Variants in NCOA1 observed in about 807,000 individuals in gnomAD.
NCOA1 encodes nuclear receptor coactivator 1.
In NCOA1, 35 loss-of-function variants were observed where a neutral mutation model predicts 150.9. The ratio of observed to expected loss-of-function variants is 0.23; its 90% CI spans 0.18 to 0.31. NCOA1 has a LOEUF of 0.31. Among genes scored for constraint, NCOA1 ranks in the 10% least tolerant of loss-of-function variants. The pLI is 1.00. For synonymous variants in NCOA1, 590 were observed against 630.0 expected, an observed-to-expected ratio of 0.94 and a Z score of 0.95; for missense variants, 1,491 against 1,749.3, an observed-to-expected ratio of 0.85 and a Z score of 2.63.
At chr2:24,581,963 G>A (rs1667210971) in intron 2 of NCOA1, among the ~76,000 whole-genome samples, 1 of 152,096 alleles carries the variant, frequency 6.6e-6, no homozygotes, top group African/African-American at 2.4e-5. Context: ...TCTCAATACA[G>A]TTAAAGGCCA....
At chr2:24,539,307 A>G (rs1665293949) in intron 1 of NCOA1, among the ~76,000 whole-genome samples, 1 of 152,172 alleles carries the variant, frequency 6.6e-6, no homozygotes, top group African/African-American at 2.4e-5. Context: ...CTATAATAAA[A>G]AGAGTCAGGG....
At chr2:24,643,400 A>G (rs559069293) in intron 3 of NCOA1, among the ~76,000 whole-genome samples, 10 of 152,250 alleles carry the variant, frequency 6.6e-5, no homozygotes, top group Non-Finnish European at 1.0e-4. Flanking sequence ...ATTTCTTCAA[A>G]CAGTTGTTTT....
intron 3 of NCOA1, among the ~76,000 whole-genome samples, chr2:24,634,710 C>CA: frequency 5.6e-5 from 2 of 35,574 alleles, no homozygotes; most frequent in Non-Finnish European, 1.5e-4. Flanking sequence ...GGGGAGGAAC[C>CA]CCCCCCCCCC....
intron 7 of NCOA1, among the ~76,000 whole-genome samples, chr2:24,680,564 T>C (rs1222869237): frequency 6.6e-6 from 1 of 152,130 alleles, no homozygotes; most frequent in Non-Finnish European, 1.5e-5. Flanking sequence ...TACCAGGGGC[T>C]GCGTGAAGGG....
chr2:24,541,607 T>A (rs977121277), intron 1 of NCOA1, among the ~76,000 whole-genome samples: 6 of 152,230 alleles, frequency 3.9e-5, no homozygotes, highest in Admixed American at 3.3e-4. Context: ...AGTTGGTTTT[T>A]GATTTCCAAA....
chr2:24,694,001 G>T (rs1050362303), intron 10 of NCOA1, among the ~76,000 whole-genome samples: 7 of 152,150 alleles, frequency 4.6e-5, no homozygotes, highest in Non-Finnish European at 1.0e-4. Context: ...GGTCTTGGAA[G>T]GGGGGCAGCA....
intron 1 of NCOA1, among the ~76,000 whole-genome samples, chr2:24,499,597 G>A (rs948144155): frequency 6.6e-6 from 1 of 151,964 alleles, no homozygotes; most frequent in Non-Finnish European, 1.5e-5. Context: ...TTAAGATGAT[G>A]CAGTGGACTT....
chr2:24,639,907 T>TGG, intron 3 of NCOA1, among the ~76,000 whole-genome samples: 1 of 10,664 alleles, frequency 9.4e-5, no homozygotes, highest in African/African-American at 1.6e-4. Context: ...AAAAAAAGTA[T>TGG]GTGTGTGTGT....
chr2:24,679,944 C>T (rs77055921), intron 7 of NCOA1, among the ~76,000 whole-genome samples: 2,194 of 152,230 alleles, frequency 0.014, 52 homozygotes, highest in African/African-American at 0.051. Context: ...GTGCTTCAAT[C>T]TTGTTTTAAA....
In NCOA1 at chr2:24,620,771, G is replaced by A. The variant is rs185848254; in HGVS notation, c.-174-23195G>A. ...GATTTTATACAAATGTGTTAAGATG[G>A]GATTAATTTTTTAAAGAATGATTCA... is the stretch of plus-strand genomic sequence containing the variant. On this transcript the variant is annotated intron_variant, in intron 3 of 22. Coordinates refer to ENST00000348332, the MANE Select transcript of NCOA1 (RefSeq NM_003743.5). 2.6e-4 allele frequency among the ~76,000 whole-genome samples: 40 copies of A among 152,124 alleles called. 1 individual carries two copies. In the East Asian group the frequency reaches 7.5e-3, roughly 29 times the overall value.
At chr2:24,592,096 A>G (rs1667680599) in intron 3 of NCOA1, among the ~76,000 whole-genome samples, 2 of 152,196 alleles carry the variant, frequency 1.3e-5, no homozygotes, top group Admixed American at 6.6e-5. Flanking sequence ...CAAATGTGAA[A>G]GGAATGAATT....
chr2:24,639,925 T>TGC (rs1670117812), intron 3 of NCOA1, among the ~76,000 whole-genome samples: 1 of 9,652 alleles, frequency 1.0e-4, no homozygotes, highest in African/African-American at 3.3e-4. Flanking sequence ...TGTATATATA[T>TGC]ATATATATAT....
chr2:24,717,093 C>A (rs1674087550), intron 14 of NCOA1, among the ~76,000 whole-genome samples: 1 of 152,044 alleles, frequency 6.6e-6, no homozygotes, highest in Admixed American at 6.6e-5. Flanking sequence ...TAGAAAATTG[C>A]AAATTAAAAC....
At chr2:24,651,506 G>A (rs2148478247) in intron 4 of NCOA1, among the ~76,000 whole-genome samples, 1 of 152,044 alleles carries the variant, frequency 6.6e-6, no homozygotes, top group Non-Finnish European at 1.5e-5. Context: ...AAAAACAAAG[G>A]CAAATATACA....
intron 17 of NCOA1, among the ~76,000 whole-genome samples, chr2:24,733,598 G>T (rs1663130859): frequency 6.6e-6 from 1 of 152,090 alleles, no homozygotes; most frequent in South Asian, 2.1e-4. Context: ...ACAAAAGTTA[G>T]CTGGGCATGG....
intron 1 of NCOA1, among the ~76,000 whole-genome samples, chr2:24,515,457 A>G (rs749738429): frequency 5.3e-5 from 8 of 152,072 alleles, no homozygotes; most frequent in Non-Finnish European, 8.8e-5. Flanking sequence ...GCTGGTCTCA[A>G]AACTCTTGGG....
At chr2:24,513,051 T>C (rs1664003200) in intron 1 of NCOA1, among the ~76,000 whole-genome samples, 2 of 152,210 alleles carry the variant, frequency 1.3e-5, no homozygotes, top group African/African-American at 4.8e-5. Context: ...CTGGCCTTAC[T>C]TAGTCAGATA....
chr2:24,492,382 A>G (rs1179175725), intron 1 of NCOA1, among the ~76,000 whole-genome samples: 1 of 152,060 alleles, frequency 6.6e-6, no homozygotes, highest in Non-Finnish European at 1.5e-5. Flanking sequence ...AAAAAATCGG[A>G]CACCCAGGGT....
chr2:24,575,576 CTTT>C (rs763939259), intron 2 of NCOA1, among the ~76,000 whole-genome samples: 2 of 135,648 alleles, frequency 1.5e-5, no homozygotes, highest in Admixed American at 7.4e-5. Flanking sequence ...TTTTCTTTTT[CTTT>C]TTTTTTTTTT....
Sources: gnomAD v4.1 joint callset for allele counts (sites outside exome capture counted in the v4.1 genomes callset) on GRCh38, gnomAD v4.1.1 for gene constraint, MANE v1.5 for transcripts, NCBI Gene and HGNC (gene_info 2026-07-23, HGNC 2026-07-21) for gene names.